SLC31A1: variants seen among roughly 807,000 people sequenced by gnomAD.
SLC31A1 encodes solute carrier family 31 member 1.
Under a neutral mutation model 17.2 loss-of-function variants are expected in SLC31A1, and 5 were observed. The ratio of observed to expected loss-of-function variants is 0.29; its 90% CI spans 0.15 to 0.61. The LOEUF is 0.61. Among genes scored for constraint, SLC31A1 ranks in the 20% least tolerant of loss-of-function variants. SLC31A1 has a pLI of 0.86. For missense variants in SLC31A1, 161 were observed against 241.4 expected (o/e 0.67, Z 2.21); for synonymous variants, 76 against 78.8 (o/e 0.96, Z 0.19).
intron 1 of SLC31A1, among the ~76,000 whole-genome samples, chr9:113,226,060 G>A (rs1157503560): frequency 5.9e-5 from 9 of 151,930 alleles, no homozygotes; most frequent in African/African-American, 1.7e-4. Flanking sequence ...CTTGAGCTCC[G>A]GAGAGGCGGA....
chr9:113,257,335 A>T, intron 3 of SLC31A1, 150 bp downstream of exon 3: 2 of 738,686 alleles, frequency 2.7e-6, no homozygotes, highest in Non-Finnish European at 4.8e-6. Flanking sequence ...TCCTACCTAG[A>T]AGGTAGGAAA....
At chr9:113,251,897 T>C (rs1488648463) in intron 1 of SLC31A1, among the ~76,000 whole-genome samples, 1 of 152,208 alleles carries the variant, frequency 6.6e-6, no homozygotes, top group Non-Finnish European at 1.5e-5. Context: ...CCACCGGCTT[T>C]GTATCTTCCT....
At chr9:113,231,455 T>C (rs1831402244) in intron 1 of SLC31A1, among the ~76,000 whole-genome samples, 1 of 152,040 alleles carries the variant, frequency 6.6e-6, no homozygotes, top group Non-Finnish European at 1.5e-5. Flanking sequence ...TCCCAGCTAC[T>C]CTGGAGGCTG....
intron 1 of SLC31A1, 49 bp downstream of exon 1, chr9:113,221,727 T>C: frequency 4.4e-6 from 1 of 229,746 alleles, no homozygotes. Context: ...ATGGGTACCG[T>C]CCTTTTCCCA....
chr9:113,257,541 A>G lies in SLC31A1; in HGVS notation c.202+356A>G, dbSNP rs539686773. Reference sequence around the variant, plus strand: ...CTCTTGTCACCCAGGCTGGAGTGCAATGGCAGCTATCTTGGCTCACTGCAA... The same window carrying G: ...CTCTTGTCACCCAGGCTGGAGTGCAGTGGCAGCTATCTTGGCTCACTGCAA... On this transcript the variant is annotated intron_variant, in intron 3 of 4. Coordinates refer to ENST00000374212, the MANE Select transcript of SLC31A1 (RefSeq NM_001859.4). Among the ~76,000 whole-genome samples, 73 of 140,530 alleles carry G rather than the reference A, an allele frequency of 5.2e-4. 1 individual carries two copies. The highest frequency in any genetic ancestry group is 1.8e-3 in the African/African-American group (66 of 36,932). 92.2% of individuals were successfully genotyped at this position (140,530 alleles called of 152,430 possible). A position where few individuals can be genotyped will look rare whatever the true frequency, so the allele number is the denominator to read the frequency against.
Position 113,256,270 on chromosome 9 carries a change from T to A in SLC31A1, c.122T>A (p.Met41Lys). 6.2e-7 allele frequency: 1 copy of A among 1,613,966 alleles called. No individual in the cohort carries two copies. ...CATGGTGGAGGAGACAGCAGCATGA[T>A]GATGATGGTGAGTGCCATAGGAGGG... ...HSHGGGDSSM[M>K]MMPMTFYFGF... Residue 41 changes from methionine (M) to lysine (K), a missense_variant, in exon 2 of 5, where the codon ATG becomes AAG. Met to Lys is a moderately conservative substitution (Grantham distance 95, BLOSUM62 -1). Transcript: ENST00000374212.
Position 113,261,067 on chromosome 9 carries a change from G to C in SLC31A1, c.*594G>C, listed in dbSNP as rs191115659. Reference sequence around the variant, plus strand: ...ACCTGAGGACAGGAGTTCGAGACCAGTCTGGCCAACATGGGGAAACCCCGT... The same window carrying C: ...ACCTGAGGACAGGAGTTCGAGACCACTCTGGCCAACATGGGGAAACCCCGT... On this transcript the variant is annotated 3_prime_UTR_variant, in exon 5 of 5. Coordinates refer to ENST00000374212, the MANE Select transcript of SLC31A1 (RefSeq NM_001859.4). The C allele has an allele frequency of 6.1e-6, 1 of 164,378 alleles. No individual in the cohort carries two copies. Among genetic ancestry groups the C allele is most frequent in the Non-Finnish European group, 1.3e-5 (1 of 74,654 alleles). 10.2% of individuals were successfully genotyped at this position (164,378 alleles called of 1,614,324 possible).
At chr9:113,244,155 C>CAAAAAAAAAAAAAA in intron 1 of SLC31A1, among the ~76,000 whole-genome samples, 1 of 41,308 alleles carries the variant, frequency 2.4e-5, no homozygotes, top group Non-Finnish European at 4.5e-5. Context: ...AACTCCATCT[C>CAAAAAAAAAAAAAA]AAAAAAAAAA....
chr9:113,254,929 C>T (rs1831704338), intron 1 of SLC31A1, among the ~76,000 whole-genome samples: 1 of 152,050 alleles, frequency 6.6e-6, no homozygotes, highest in African/African-American at 2.4e-5. Flanking sequence ...AATTATTGCT[C>T]CTTGGTTTAT....
chr9:113,251,569 C>T (rs1437375251), intron 1 of SLC31A1, among the ~76,000 whole-genome samples: 2 of 152,114 alleles, frequency 1.3e-5, no homozygotes, highest in Non-Finnish European at 2.9e-5. Context: ...CTAAAAAGAA[C>T]CAATGCTAGT....
At chr9:113,250,540 A>AG (rs1418447043) in intron 1 of SLC31A1, among the ~76,000 whole-genome samples, 1 of 86,136 alleles carries the variant, frequency 1.2e-5, no homozygotes, top group Non-Finnish European at 2.3e-5. Context: ...GGGTTGGGGG[A>AG]GGGGGGAGGG....
chr9:113,242,152 G>A (rs556101507), intron 1 of SLC31A1, among the ~76,000 whole-genome samples: 1 of 152,016 alleles, frequency 6.6e-6, no homozygotes, highest in African/African-American at 2.4e-5. Flanking sequence ...TCACGCCACC[G>A]CACTCCAGTC....
rs1411682865 is a variant in SLC31A1, at chr9:113,258,388, A to G, written c.203-306A>G. The stretch of plus-strand genomic sequence containing the variant: ...TGTTTTATTCCCTGTTCCATATTCT[A>G]CATTGTGTGTTTCAGTGTAACAAAC... On this transcript the variant is annotated intron_variant, in intron 3 of 4. Coordinates refer to ENST00000374212, the MANE Select transcript of SLC31A1 (RefSeq NM_001859.4). This position sits in a 1 kb window ranked among gnomAD's most constrained non-coding sequence, Gnocchi z 4.8. Among the ~76,000 whole-genome samples, 3 of 152,192 alleles carry G rather than the reference A, an allele frequency of 2.0e-5. No homozygotes were observed. The highest frequency in any genetic ancestry group is 4.4e-5 in the Non-Finnish European group (3 of 68,042).
At chr9:113,236,234 C>T (rs1831457356) in intron 1 of SLC31A1, among the ~76,000 whole-genome samples, 1 of 152,190 alleles carries the variant, frequency 6.6e-6, no homozygotes, top group South Asian at 2.1e-4. Context: ...GTGATCTGCC[C>T]GTCTTGGCCT....
At chr9:113,242,522 G>A (rs1276377657) in intron 1 of SLC31A1, among the ~76,000 whole-genome samples, 1 of 152,032 alleles carries the variant, frequency 6.6e-6, no homozygotes, top group Non-Finnish European at 1.5e-5. Context: ...CCACTTCAGG[G>A]CCTCCCTCAG....
chr9:113,240,390 G>A (rs1456420167), intron 1 of SLC31A1, among the ~76,000 whole-genome samples: 1 of 152,156 alleles, frequency 6.6e-6, no homozygotes, highest in East Asian at 1.9e-4. Context: ...TCCAGATGCT[G>A]TAAGGAAGTA....
intron 1 of SLC31A1, among the ~76,000 whole-genome samples, chr9:113,226,093 G>A (rs1354087804): frequency 1.3e-5 from 2 of 150,812 alleles, no homozygotes; most frequent in East Asian, 3.9e-4. Flanking sequence ...CTGAGGTCAC[G>A]CCACTGTGCG....
At chr9:113,245,894 A>G (rs921125051) in intron 1 of SLC31A1, among the ~76,000 whole-genome samples, 14 of 151,850 alleles carry the variant, frequency 9.2e-5, no homozygotes, top group African/African-American at 3.1e-4. Context: ...TCGGCCTCCC[A>G]AAGGGTTAGG....
chr9:113,256,663 C>T, intron 2 of SLC31A1: 1 of 267,204 alleles, frequency 3.7e-6, no homozygotes, highest in South Asian at 4.2e-5. Context: ...AGATCGAGAC[C>T]ATCCTAGCTA....
Sources: allele counts gnomAD v4.1 joint callset (sites outside exome capture counted in the v4.1 genomes callset), GRCh38; gene constraint gnomAD v4.1.1; non-coding constraint Gnocchi (gnomAD v3.1); transcripts MANE v1.5; gene names NCBI Gene and HGNC (gene_info 2026-07-23, HGNC 2026-07-21).